Variants in MAP2K4 observed in about 807,000 individuals in gnomAD.
The protein encoded by MAP2K4 is dual specificity mitogen-activated protein kinase kinase 4.
Under a neutral mutation model 48.5 loss-of-function variants are expected in MAP2K4, and 4 were observed. That is an observed-to-expected ratio of 0.08 (90% CI 0.04 to 0.19). The LOEUF (loss-of-function observed/expected upper bound fraction) is 0.19. MAP2K4 is among the 10% of genes least tolerant of loss of function. The probability of loss-of-function intolerance (pLI) is 1.00; values close to 1 mark genes in which losing one functional copy is unlikely to be tolerated. For missense variants in MAP2K4, 258 were observed against 493.3 expected, an observed-to-expected ratio of 0.52 and a Z score of 4.52; for synonymous variants, 166 against 173.1, an observed-to-expected ratio of 0.96 and a Z score of 0.32.
intron 1 of MAP2K4, among the ~76,000 whole-genome samples, chr17:12,050,007 G>A (rs1361877542): frequency 6.6e-6 from 1 of 152,212 alleles, no homozygotes; most frequent in Non-Finnish European, 1.5e-5. Flanking sequence ...TACTACAACA[G>A]ATGTTAAACA....
At chr17:12,038,734 G>A (rs1030140805) in intron 1 of MAP2K4, among the ~76,000 whole-genome samples, 1 of 152,032 alleles carries the variant, frequency 6.6e-6, no homozygotes, top group African/African-American at 2.4e-5. Context: ...TTATGAAGTA[G>A]GTATAATAGT....
At chr17:12,033,514 G>A (rs1969502896) in intron 1 of MAP2K4, among the ~76,000 whole-genome samples, 1 of 152,228 alleles carries the variant, frequency 6.6e-6, no homozygotes, top group Middle Eastern at 3.4e-3. Flanking sequence ...AGATCAAGCA[G>A]TTAGACCCTA....
chr17:12,083,222 A>G (rs1214750574), intron 3 of MAP2K4, among the ~76,000 whole-genome samples: 1 of 152,240 alleles, frequency 6.6e-6, no homozygotes, highest in African/African-American at 2.4e-5. Flanking sequence ...TAAAGAGGGT[A>G]CTTCCTTTTG....
At position 12,065,958 on chromosome 17, in the gene MAP2K4, G is replaced by A. The variant is rs562057299; in HGVS notation, c.218+10967G>A. ...GTTTCCCCTTTCATAATGTTTGAAAGAACCCTAGAGTGAAATTTTTAAGAA... is the reference window on the plus strand; with the variant it reads ...GTTTCCCCTTTCATAATGTTTGAAAAAACCCTAGAGTGAAATTTTTAAGAA... On this transcript the variant is annotated intron_variant, in intron 2 of 10. Coordinates refer to ENST00000353533, the MANE Select transcript of MAP2K4 (RefSeq NM_003010.4). Among the ~76,000 whole-genome samples, 11 of 152,230 alleles carry A rather than the reference G, an allele frequency of 7.2e-5. No homozygotes were observed. In the South Asian group the frequency reaches 2.1e-3, roughly 29 times the overall value.
chr17:12,041,841 G>A (rs1231186966), intron 1 of MAP2K4, among the ~76,000 whole-genome samples: 2 of 152,164 alleles, frequency 1.3e-5, no homozygotes, highest in East Asian at 3.9e-4. Flanking sequence ...GAACTGAGTT[G>A]TCGGACTCAT....
chr17:12,114,387 G>GGT (rs61666948), intron 7 of MAP2K4, among the ~76,000 whole-genome samples: 7,409 of 149,206 alleles, frequency 0.05, 324 homozygotes, highest in African/African-American at 0.13. Context: ...ATGTAAAAGC[G>GGT]GTGTGTGTGT....
chr17:12,047,367 C>T (rs1286109078), intron 1 of MAP2K4, among the ~76,000 whole-genome samples: 1 of 152,070 alleles, frequency 6.6e-6, no homozygotes, highest in African/African-American at 2.4e-5. Context: ...CATAGTAATG[C>T]CTTTACTCCT....
In MAP2K4 at chr17:12,139,823, T is replaced by G. The variant is rs1402817265; in HGVS notation, c.1041-16T>G. On this transcript the variant is annotated splice_polypyrimidine_tract_variant and intron_variant, in intron 9 of 10. Coordinates refer to ENST00000353533, the MANE Select transcript of MAP2K4 (RefSeq NM_003010.4). ...TGAATCTACATTTTAATAATGTTATTTTTATGTTATTTTAGCCTTACGAAG... is the reference window on the plus strand; with the variant it reads ...TGAATCTACATTTTAATAATGTTATGTTTATGTTATTTTAGCCTTACGAAG... 6.4e-7 allele frequency: 1 copy of G among 1,569,546 alleles called. No individual in the cohort carries two copies. The highest frequency in any genetic ancestry group is 8.7e-7 in the Non-Finnish European group (1 of 1,145,002).
intron 3 of MAP2K4, among the ~76,000 whole-genome samples, chr17:12,094,781 A>G (rs1394623090): frequency 6.6e-6 from 1 of 152,128 alleles, no homozygotes; most frequent in African/African-American, 2.4e-5. Flanking sequence ...GTGCAAAGAA[A>G]TTGTTGTACA....
intron 10 of MAP2K4, 39 bp from the exon 11 acceptor site, chr17:12,141,108 T>C (rs764915496): frequency 1.5e-6 from 2 of 1,316,918 alleles, no homozygotes; most frequent in East Asian, 4.6e-5. Context: ...TGGGCTGTCA[T>C]ACAAACTTTT....
intron 7 of MAP2K4, among the ~76,000 whole-genome samples, chr17:12,118,827 A>G (rs1161862449): frequency 6.6e-6 from 1 of 152,222 alleles, no homozygotes; most frequent in Non-Finnish European, 1.5e-5. Flanking sequence ...ACTAAGACAC[A>G]GTCATGCCTG....
At position 12,081,597 on chromosome 17, in the gene MAP2K4, C is replaced by G. The variant is rs1971187487; in HGVS notation, c.393+67C>G. 2.7e-6 allele frequency: 4 copies of G among 1,480,400 alleles called. No homozygotes were observed. The South Asian group carries it at 3.7e-5, about 14-fold the overall frequency. 91.7% of individuals were successfully genotyped at this position (1,480,400 alleles called of 1,614,324 possible). A position where few individuals can be genotyped will look rare whatever the true frequency, so the allele number is the denominator to read the frequency against. On this transcript the variant is annotated intron_variant, in intron 3 of 10. Coordinates refer to ENST00000353533, the MANE Select transcript of MAP2K4 (RefSeq NM_003010.4). The surrounding 1 kb of genome is among the most constrained non-coding windows in gnomAD (Gnocchi z 4.2). The stretch of plus-strand genomic sequence containing the variant: ...GGTGAAATTTCATGGTGCAGTAATA[C>G]CACTGTTGTTGTGTTCCTACTTTTG...
intron 1 of MAP2K4, 172 bp downstream of exon 1, chr17:12,021,173 G>T: frequency 2.8e-6 from 1 of 360,992 alleles, no homozygotes; most frequent in Non-Finnish European, 4.8e-6. Flanking sequence ...CTCCGGCCCG[G>T]CTTGGATCCG....
Position 12,096,915 on chromosome 17 carries a change from G to GT in MAP2K4, c.513+1228dup, listed in dbSNP as rs539568029. On this transcript the variant is annotated intron_variant, in intron 4 of 10. Coordinates refer to ENST00000353533, the MANE Select transcript of MAP2K4 (RefSeq NM_003010.4). ...ACTAATTGTTAATTCTCAACTCGTAGTTTTTTTCTATTCCTGTCTTTAAAT... is the reference window on the plus strand; with the variant it reads ...ACTAATTGTTAATTCTCAACTCGTAGTTTTTTTTCTATTCCTGTCTTTAAAT... Among the ~76,000 whole-genome samples, 327 of 152,108 alleles carry GT rather than the reference G, an allele frequency of 2.1e-3. 1 individual carries two copies. The highest frequency in any genetic ancestry group is 7.5e-3 in the African/African-American group (310 of 41,486).
At chr17:12,062,647 A>G (rs570515581) in intron 2 of MAP2K4, among the ~76,000 whole-genome samples, 1 of 152,320 alleles carries the variant, frequency 6.6e-6, no homozygotes, top group South Asian at 2.1e-4. Flanking sequence ...CTTTAAATAA[A>G]TAACCCTCAT....
intron 1 of MAP2K4, among the ~76,000 whole-genome samples, chr17:12,048,131 G>A (rs879800473): frequency 6.6e-6 from 1 of 152,158 alleles, no homozygotes; most frequent in Non-Finnish European, 1.5e-5. Flanking sequence ...GCCTCCCAAA[G>A]TGCTGGGATT....
At chr17:12,093,355 G>T (rs1316743030) in intron 3 of MAP2K4, among the ~76,000 whole-genome samples, 1 of 152,160 alleles carries the variant, frequency 6.6e-6, no homozygotes, top group Non-Finnish European at 1.5e-5. Context: ...TCAGTGTTAG[G>T]TATCAGTAAG....
At position 12,141,327 on chromosome 17, in the gene MAP2K4, C is replaced by A; in HGVS notation, c.*67C>A. ...AAGCAAGACGTAAAGAATTTTCATC[C>A]CGTATCACAGTGTTTTTATTGCTCG... is the stretch of plus-strand genomic sequence containing the variant. On this transcript the variant is annotated 3_prime_UTR_variant, in exon 11 of 11. Transcript: ENST00000353533. 9.0e-7 allele frequency: 1 copy of A among 1,105,392 alleles called. No homozygotes were observed. The highest frequency in any genetic ancestry group is 1.4e-6 in the Non-Finnish European group (1 of 718,130). The allele number at this position is 1,105,392 out of a possible 1,614,324, so 68.5% of individuals were successfully genotyped here.
chr17:12,087,721 C>T lies in MAP2K4; in HGVS notation c.393+6191C>T, dbSNP rs1035676716. 2.6e-5 allele frequency among the ~76,000 whole-genome samples: 4 copies of T among 151,984 alleles called. No individual in the cohort carries two copies. In the South Asian group the frequency reaches 8.3e-4, roughly 32 times the overall value. The stretch of plus-strand genomic sequence containing the variant: ...TTGCAATTAAGAATTAGCATTCTTT[C>T]TTCTGCCCGTAGTAAAATCATATAT... On this transcript the variant is annotated intron_variant, in intron 3 of 10. Coordinates refer to ENST00000353533, the MANE Select transcript of MAP2K4 (RefSeq NM_003010.4).
Sources: gnomAD v4.1 joint callset for allele counts (sites outside exome capture counted in the v4.1 genomes callset) on GRCh38, gnomAD v4.1.1 for gene constraint, Gnocchi (gnomAD v3.1) non-coding constraint, MANE v1.5 for transcripts, NCBI Gene and HGNC (gene_info 2026-07-23, HGNC 2026-07-21) for gene names.